The following ASXL3 variants were observed in gnomAD, a reference collection of about 807,000 sequenced individuals.
The protein encoded by ASXL3 is putative Polycomb group protein ASXL3.
ASXL3 carries 34 observed loss-of-function variants against 170.6 expected under a neutral mutation model. That is an observed-to-expected ratio of 0.20 (90% CI 0.15 to 0.27). ASXL3 has a LOEUF of 0.27. Among genes scored for constraint, ASXL3 ranks in the 10% least tolerant of loss-of-function variants. ASXL3 has a pLI of 1.00. For synonymous variants in ASXL3, 1,002 were observed against 989.1 expected (o/e 1.01, Z -0.24); for missense variants, 2,592 against 2,695.3 (o/e 0.96, Z 0.85).
chr18:33,715,667 T>G (rs1446446249), intron 8 of ASXL3, among the ~76,000 whole-genome samples: 1 of 152,206 alleles, frequency 6.6e-6, no homozygotes, highest in African/African-American at 2.4e-5. Context: ...TCTTTAGTTT[T>G]GGGAAGGATA....
chr18:33,656,208 A>G (rs887949271), intron 4 of ASXL3, among the ~76,000 whole-genome samples: 3 of 152,144 alleles, frequency 2.0e-5, no homozygotes, highest in African/African-American at 4.8e-5. Flanking sequence ...TTTTATTCAT[A>G]TAACTTTTTA....
chr18:33,597,806 A>AC (rs2065143392), intron 1 of ASXL3, among the ~76,000 whole-genome samples: 1 of 143,854 alleles, frequency 7.0e-6, no homozygotes, highest in Non-Finnish European at 1.5e-5. Context: ...AAAAAAAAAA[A>AC]CAAAAAAAAC....
intron 10 of ASXL3, among the ~76,000 whole-genome samples, chr18:33,737,257 A>G (rs551060480): frequency 2.0e-5 from 3 of 152,294 alleles, no homozygotes; most frequent in African/African-American, 7.2e-5. Flanking sequence ...TGTATTCAAC[A>G]TTATTTCCCT....
chr18:33,693,732 AT>A (rs1260940018), intron 8 of ASXL3, among the ~76,000 whole-genome samples: 3 of 152,192 alleles, frequency 2.0e-5, no homozygotes, highest in African/African-American at 7.2e-5. Context: ...GCAATGCTAA[AT>A]ATTTATGCAT....
intron 1 of ASXL3, among the ~76,000 whole-genome samples, chr18:33,591,872 AC>A (rs1319637312): frequency 7.9e-5 from 12 of 151,146 alleles, no homozygotes; most frequent in African/African-American, 2.9e-4. Context: ...CGATCTCCTG[AC>A]CTCGTGATCC....
chr18:33,673,933 G>C (rs1323884188), intron 7 of ASXL3, among the ~76,000 whole-genome samples: 2 of 152,140 alleles, frequency 1.3e-5, no homozygotes, highest in African/African-American at 4.8e-5. Context: ...CAAAGTAATG[G>C]AGATAATGAA....
chr18:33,743,583 A>G lies in ASXL3; in HGVS notation c.3735A>G (p.Ile1245Met). ...CTGTATCTGTTTGCAGCACTGCTAT[A>G]TCGGGAGCAATTAAAGAACATCCCT... ...SVPVSVCSTA[I>M]SGAIKEHPFV... is the part of the protein sequence containing the mutation. Residue 1245 changes from isoleucine to methionine, a missense_variant, in exon 12 of 12, where the codon ATA becomes ATG. By Grantham distance (10) the Ile-to-Met change is conservative. Around this residue, in one of 4 missense-constraint regions of ASXL3, gnomAD observed 2,246 missense variants for 2,219.6 expected, o/e 1.01. Coordinates refer to ENST00000269197, the MANE Select transcript of ASXL3 (RefSeq NM_030632.3). The G allele has an allele frequency of 1.2e-6, 2 of 1,613,270 alleles. No individual in the cohort carries two copies. Among genetic ancestry groups the G allele is most frequent in the Non-Finnish European group, 1.7e-6 (2 of 1,179,888 alleles).
At position 33,646,880 on chromosome 18, in the gene ASXL3, C is replaced by T. The variant is rs1007638773; in HGVS notation, c.355+527C>T. Among the ~76,000 whole-genome samples the T allele has an allele frequency of 3.1e-3, 135 of 43,912 alleles. 2 individuals carry two copies. Among genetic ancestry groups the T allele is most frequent in the African/African-American group, 0.012 (114 of 9,568 alleles). 28.8% of individuals were successfully genotyped at this position (43,912 alleles called of 152,430 possible). On this transcript the variant is annotated intron_variant, in intron 4 of 11. Transcript: ENST00000269197. ...AACCTTCCAGAATTTTAAGGGGGAGCGGGGGGGGGGGGCATTTTTCACCTC... is the reference window on the plus strand; with the variant it reads ...AACCTTCCAGAATTTTAAGGGGGAGTGGGGGGGGGGGGCATTTTTCACCTC...
At chr18:33,621,039 C>T (rs1389156379) in intron 2 of ASXL3, among the ~76,000 whole-genome samples, 5 of 152,074 alleles carry the variant, frequency 3.3e-5, no homozygotes, top group African/African-American at 1.2e-4. Context: ...GCTTCCTCTT[C>T]AAAACAGATC....
At chr18:33,611,315 GA>G (rs1158010554) in intron 2 of ASXL3, among the ~76,000 whole-genome samples, 2 of 151,566 alleles carry the variant, frequency 1.3e-5, no homozygotes, top group African/African-American at 2.4e-5. Flanking sequence ...TGGTTTTGTT[GA>G]AAAAAAATAA....
chr18:33,614,332 A>G (rs1207885628), intron 2 of ASXL3: 1 of 152,190 alleles, frequency 6.6e-6, no homozygotes, highest in Non-Finnish European at 1.5e-5. Context: ...CATATCTATA[A>G]GAAGCACCTC....
chr18:33,680,093 A>G (rs1205786398), intron 7 of ASXL3, among the ~76,000 whole-genome samples: 1 of 151,422 alleles, frequency 6.6e-6, no homozygotes, highest in African/African-American at 2.4e-5. Flanking sequence ...ATTTTTTTCT[A>G]CCCTCTAATA....
rs1568369283 is a variant in ASXL3 at position 33,745,919 on chromosome 18, C to T, written c.6071C>T (p.Pro2024Leu). The T allele has an allele frequency of 1.0e-5, 16 of 1,577,918 alleles. No homozygotes were observed. ...LVHPPPPPPP[P>L]PPPPLALPPP... ...CATCCGCCGCCGCCACCGCCTCCCC[C>T]TCCCCCTCCACCCTTGGCTTTGCCC... Residue 2024 changes from proline (P) to leucine (L), a missense_variant, in exon 12 of 12, where the codon CCT becomes CTT. Transcript: ENST00000269197.
intron 1 of ASXL3, among the ~76,000 whole-genome samples, chr18:33,582,727 TG>T (rs2065003974): frequency 3.3e-5 from 5 of 150,362 alleles, no homozygotes; most frequent in African/African-American, 1.0e-4. Context: ...TGTGTGTGTG[TG>T]TGTGTGTGTG....
At chr18:33,597,707 C>T (rs986087899) in intron 1 of ASXL3, among the ~76,000 whole-genome samples, 3 of 151,652 alleles carry the variant, frequency 2.0e-5, no homozygotes, top group Non-Finnish European at 4.4e-5. Context: ...GGATTTGAAT[C>T]CCAGTTCTGC....
intron 8 of ASXL3, among the ~76,000 whole-genome samples, chr18:33,686,279 T>G (rs1191326821): frequency 6.6e-6 from 1 of 152,166 alleles, no homozygotes; most frequent in African/African-American, 2.4e-5. Flanking sequence ...TGTGGAAGAA[T>G]AACAGAAGGG....
At chr18:33,734,668 T>A (rs1478366619) in intron 10 of ASXL3, among the ~76,000 whole-genome samples, 1 of 152,192 alleles carries the variant, frequency 6.6e-6, no homozygotes, top group Non-Finnish European at 1.5e-5. Flanking sequence ...CATGAAATCT[T>A]AAAGTAGTCA....
At chr18:33,600,270 T>C (rs1160845900) in intron 1 of ASXL3, among the ~76,000 whole-genome samples, 2 of 152,180 alleles carry the variant, frequency 1.3e-5, no homozygotes, top group Admixed American at 6.6e-5. Context: ...AATCCCATAA[T>C]TGTAAACTTA....
In ASXL3 at chr18:33,744,239, C is replaced by T; in HGVS notation, c.4391C>T (p.Ala1464Val). ...CCACCAGGGGGCTTTGCACCAGCAG[C>T]CATAAACCGATCAATTCCGTGTAAA... ...QQPPGGFAPA[A>V]INRSIPCKVI... The change falls in exon 12 of 12, where the codon GCC (alanine) becomes GTC (valine). Residue 1464 changes from alanine to valine, a missense_variant. By Grantham distance (64) the Ala-to-Val change is moderately conservative. This residue lies in a region of ASXL3 where 2,246 missense variants were observed against 2,219.6 expected (regional missense o/e 1.01). Transcript: ENST00000269197. 6.2e-7 allele frequency: 1 copy of T among 1,613,992 alleles called. No individual in the cohort carries two copies. Among genetic ancestry groups the T allele is most frequent in the Non-Finnish European group, 8.5e-7 (1 of 1,179,902 alleles).
Sources: allele counts gnomAD v4.1 joint callset (sites outside exome capture counted in the v4.1 genomes callset), GRCh38; gene constraint gnomAD v4.1.1; regional missense constraint gnomAD v4.1.1; transcripts MANE v1.5; gene names NCBI Gene and HGNC (gene_info 2026-07-23, HGNC 2026-07-21).